Variants in USP34 observed in about 807,000 individuals in gnomAD.
USP34 encodes the protein ubiquitin carboxyl-terminal hydrolase 34.
A neutral mutation model predicts 460.3 loss-of-function variants in USP34; 70 were observed. That is an observed-to-expected ratio of 0.15 (90% CI 0.13 to 0.19). The LOEUF (loss-of-function observed/expected upper bound fraction) is 0.19. USP34 is among the 10% of genes least tolerant of loss of function. USP34 has a pLI of 1.00. For synonymous variants in USP34, 1,647 were observed against 1,405.3 expected (o/e 1.17, Z -3.85); for missense variants, 3,985 against 4,236.2 (o/e 0.94, Z 1.65).
intron 76 of USP34, 154 bp from the exon 77 acceptor site, chr2:61,190,812 G>T: frequency 1.1e-6 from 1 of 881,208 alleles, no homozygotes; most frequent in Non-Finnish European, 1.6e-6. Flanking sequence ...CTCACCTATT[G>T]AATTTTTAGT....
chr2:61,380,465 T>C, intron 6 of USP34, 104 bp from the exon 7 acceptor site: 3 of 1,208,888 alleles, frequency 2.5e-6, no homozygotes, highest in Non-Finnish European at 3.4e-6. Flanking sequence ...ATTTTTTGTG[T>C]CCAAAACCCA....
intron 1 of USP34, among the ~76,000 whole-genome samples, chr2:61,446,113 C>CAAAAA (rs35776849): frequency 2.3e-5 from 2 of 87,188 alleles, no homozygotes; most frequent in African/African-American, 4.6e-5. Context: ...GACTCTGTCT[C>CAAAAA]AAAAAAAAAA....
chr2:61,261,083 T>TA (rs1288827959), intron 43 of USP34, among the ~76,000 whole-genome samples: 1 of 152,180 alleles, frequency 6.6e-6, no homozygotes, highest in Non-Finnish European at 1.5e-5. Context: ...GTGTAAGCCC[T>TA]ATGGAAAAGG....
intron 75 of USP34, among the ~76,000 whole-genome samples, chr2:61,201,346 T>C (rs902159010): frequency 6.6e-6 from 1 of 151,346 alleles, no homozygotes; most frequent in Non-Finnish European, 1.5e-5. Flanking sequence ...GTCTCCCAAG[T>C]AGCTGCAACT....
chr2:61,418,981 A>G (rs1474616690), intron 2 of USP34, among the ~76,000 whole-genome samples: 2 of 152,084 alleles, frequency 1.3e-5, no homozygotes, highest in African/African-American at 4.8e-5. Flanking sequence ...TTTAATTAAA[A>G]TATGTGTTTA....
Position 61,370,308 on chromosome 2 carries a change from C to A in USP34, c.1251+13G>T, listed in dbSNP as rs577224245. ...AAGCAAAGCACTCAATAAATGTGAG[C>A]TGTTAATATTACCTGTGCTGCAGCC... On this transcript the variant is annotated intron_variant, in intron 10 of 79. Coordinates refer to ENST00000398571, the MANE Select transcript of USP34 (RefSeq NM_014709.4). 7.4e-6 allele frequency: 12 copies of A among 1,610,872 alleles called. No individual in the cohort carries two copies. Among genetic ancestry groups the A allele is most frequent in the Non-Finnish European group, 8.5e-6 (10 of 1,178,006 alleles).
intron 61 of USP34, among the ~76,000 whole-genome samples, chr2:61,228,155 A>C (rs1687783966): frequency 6.6e-6 from 1 of 152,230 alleles, no homozygotes; most frequent in South Asian, 2.1e-4. Flanking sequence ...TGGAGATATA[A>C]AGGGTACTTA....
chr2:61,262,158 T>C (rs1572881350), intron 43 of USP34, among the ~76,000 whole-genome samples: 1 of 131,750 alleles, frequency 7.6e-6, no homozygotes, highest in African/African-American at 2.9e-5. Flanking sequence ...TAGATAGATA[T>C]AGAAATATAT....
chr2:61,331,397 T>C (rs369576648), intron 19 of USP34, 26 bp from the exon 20 acceptor site: 41 of 1,589,046 alleles, frequency 2.6e-5, no homozygotes, highest in Non-Finnish European at 3.3e-5. Context: ...GAAAAAATAA[T>C]TTTAAAGTGG....
At chr2:61,435,909 T>C (rs964888391) in intron 1 of USP34, among the ~76,000 whole-genome samples, 9 of 152,018 alleles carry the variant, frequency 5.9e-5, no homozygotes, top group African/African-American at 2.2e-4. Context: ...GCGCCTGTAA[T>C]CCCAGCTACT....
Position 61,257,308 on chromosome 2 carries a change from T to C in USP34, c.5887A>G (p.Thr1963Ala). ...KAYNPRPFCK[T>A]YTMDKQPLNT... ...AGAGGCTGCTTATCCATGGTGTATG[T>C]TTTACAGAAAGGTCTAGGATTATAT... Residue 1963 changes from threonine (T) to alanine (A), a missense_variant, in exon 45 of 80, where the codon ACA becomes GCA. Transcript: ENST00000398571. 6 of 1,612,930 alleles carry C rather than the reference T, an allele frequency of 3.7e-6. No individual in the cohort carries two copies. Among genetic ancestry groups the C allele is most frequent in the Non-Finnish European group, 5.1e-6 (6 of 1,179,434 alleles).
chr2:61,274,432 A>G (rs1323178266), intron 41 of USP34, among the ~76,000 whole-genome samples: 1 of 148,200 alleles, frequency 6.7e-6, no homozygotes, highest in Non-Finnish European at 1.5e-5. Context: ...AAAAAACATG[A>G]AGTCAAGACA....
chr2:61,305,091 C>T (rs957786682), intron 27 of USP34, among the ~76,000 whole-genome samples: 3 of 151,960 alleles, frequency 2.0e-5, no homozygotes, highest in Admixed American at 6.6e-5. Flanking sequence ...TTTGGGAGGC[C>T]GAGGTGGGCC....
intron 53 of USP34, among the ~76,000 whole-genome samples, chr2:61,237,289 A>G (rs1270320158): frequency 6.6e-6 from 1 of 152,084 alleles, no homozygotes; most frequent in Non-Finnish European, 1.5e-5. Flanking sequence ...AGTACTGTTT[A>G]TAAATAATAA....
At chr2:61,301,923 G>A (rs1183593725) in intron 27 of USP34, among the ~76,000 whole-genome samples, 1 of 151,750 alleles carries the variant, frequency 6.6e-6, no homozygotes, top group Admixed American at 6.6e-5. Context: ...TTGTTATCTG[G>A]GAAGGGATGG....
At chr2:61,356,351 CG>C (rs1277426958) in intron 10 of USP34, among the ~76,000 whole-genome samples, 2 of 152,006 alleles carry the variant, frequency 1.3e-5, no homozygotes, top group Non-Finnish European at 2.9e-5. Context: ...TAGTCAGGCA[CG>C]GTGGGCATGT....
At chr2:61,251,274 ATTAT>A (rs902121307) in intron 48 of USP34, among the ~76,000 whole-genome samples, 11 of 152,332 alleles carry the variant, frequency 7.2e-5, no homozygotes, top group African/African-American at 9.6e-5. Flanking sequence ...TACTGTAAAA[ATTAT>A]CTATAACTTA....
intron 69 of USP34, among the ~76,000 whole-genome samples, chr2:61,209,585 C>T (rs754315387): frequency 8.5e-5 from 13 of 152,208 alleles, no homozygotes; most frequent in Non-Finnish European, 1.6e-4. Context: ...TATAAACAAA[C>T]TTGTTGTACT....
In USP34 at chr2:61,248,614, C is replaced by T. The variant is rs371167755; in HGVS notation, c.6291G>A (p.Thr2097=). ...NTMRYTFNMV[T]MMKEKVNTHF... is the part of the protein sequence containing the mutation. ...GTGTATTCACTTTCTCTTTCATCAT[C>T]GTGACCATATTAAATGTGTATCTCA... The change falls in exon 49 of 80, where the codon ACG becomes ACA. Residue 2097 remains threonine (T), a synonymous_variant. Transcript: ENST00000398571. 20 of 1,609,564 alleles carry T rather than the reference C, an allele frequency of 1.2e-5. No individual in the cohort carries two copies. The East Asian group carries it at 2.7e-4, about 22-fold the overall frequency.
Sources: allele counts gnomAD v4.1 joint callset (sites outside exome capture counted in the v4.1 genomes callset), GRCh38; gene constraint gnomAD v4.1.1; transcripts MANE v1.5; gene names NCBI Gene and HGNC (gene_info 2026-07-23, HGNC 2026-07-21).